The following MELTF variants were observed in gnomAD, a reference collection of about 807,000 sequenced individuals.
MELTF encodes the protein antigen p97 (melanoma associated) identified by monoclonal antibodies 133.2 and 96.5.
MELTF carries 67 observed loss-of-function variants against 83.7 expected under a neutral mutation model. That is an observed-to-expected ratio of 0.80 (90% confidence interval 0.66 to 0.98). MELTF has a LOEUF of 0.98. Ranked by LOEUF, MELTF falls within the 50% of genes least tolerant of loss-of-function variation. MELTF has a pLI of 0.00. For synonymous variants in MELTF, 462 were observed against 447.6 expected (o/e 1.03, Z -0.41); for missense variants, 1,002 against 1,035.6 (o/e 0.97, Z 0.44).
rs57202737 is a variant in MELTF at position 197,020,489 on chromosome 3, G to GCACA, written c.712+911_712+914dup. Among the ~76,000 whole-genome samples, 220 of 149,478 alleles carry GCACA rather than the reference G, an allele frequency of 1.5e-3. 1 individual carries two copies. The highest frequency in any genetic ancestry group is 7.0e-3 in the Middle Eastern group (2 of 286). On this transcript the variant is annotated intron_variant, in intron 6 of 15. Transcript: ENST00000296350. ...CTCTCAAATGGGTCAGAACACACAC[G>GCACA]CACACACACACACACACACAATAAA...
intron 6 of MELTF, chr3:197,019,197 A>T: frequency 1.0e-6 from 1 of 1,002,676 alleles, no homozygotes. Flanking sequence ...CCGCTTCCCA[A>T]CTTTCCTGTT....
In MELTF at chr3:197,017,258, G is replaced by T. The variant is rs769763422; in HGVS notation, c.745C>A (p.Leu249Met). The stretch of plus-strand genomic sequence containing the variant: ...CACAGCAGCTCGAAGTCCTGTGACA[G>T]CAGGGCCTGGCCCCAGGAGGGAAGC... Reference protein sequence around the residue: ...KTLPSWGQALLSQDFELLCRD... With the variant: ...KTLPSWGQALMSQDFELLCRD... Residue 249 changes from leucine (L) to methionine (M), a missense_variant, in exon 7 of 16, where the codon CTG (leucine) becomes ATG (methionine). Physicochemically the swap from Leu to Met is conservative, Grantham distance 15. Coordinates refer to ENST00000296350, the MANE Select transcript of MELTF (RefSeq NM_005929.6). The T allele has an allele frequency of 5.7e-6, 9 of 1,576,826 alleles. No individual in the cohort carries two copies. Among genetic ancestry groups the T allele is most frequent in the Non-Finnish European group, 7.7e-6 (9 of 1,161,944 alleles).
rs142138497 is a variant in MELTF, at chr3:197,026,709, C to A, written c.255G>T (p.Ala85=). The A allele has an allele frequency of 1.2e-6, 2 of 1,613,472 alleles. No homozygotes were observed. The highest frequency in any genetic ancestry group is 1.7e-6 in the Non-Finnish European group (2 of 1,180,026). The part of the protein sequence containing the change: ...ITLDGGAIYE[A]GKEHGLKPVV... ...CCGGCTTCAGGCCGTGCTCCTTTCC[C>A]GCCTCATAGATGGCTCCTCCATCCA... Residue 85 remains alanine (A), a synonymous_variant, in exon 3 of 16, where the codon GCG becomes GCT. Transcript: ENST00000296350.
In MELTF at chr3:197,029,805, G is replaced by C. The variant is rs1241228334; in HGVS notation, c.-103C>G. ...CCTGCTCCCCCTCGCGCTGGCCCGA[G>C]CTCCTTAAGTGCGGCCGCGAGTTCC... is the stretch of plus-strand genomic sequence containing the variant. On this transcript the variant is annotated 5_prime_UTR_variant, in exon 1 of 16. Transcript: ENST00000296350. This position sits in a 1 kb window ranked among gnomAD's most constrained non-coding sequence, Gnocchi z 6.5. The C allele has an allele frequency of 1.2e-6, 1 of 837,196 alleles. No individual in the cohort carries two copies. The highest frequency in any genetic ancestry group is 1.8e-5 in the African/African-American group (1 of 56,778). 51.9% of individuals were successfully genotyped at this position (837,196 alleles called of 1,614,324 possible). A position where few individuals can be genotyped will look rare whatever the true frequency, so the allele number is the denominator to read the frequency against.
Position 197,029,567 on chromosome 3 carries a change from G to T in MELTF, c.49+87C>A. 1 of 1,101,946 alleles carries T rather than the reference G, an allele frequency of 9.1e-7. No individual in the cohort carries two copies. Among genetic ancestry groups the T allele is most frequent in the Non-Finnish European group, 1.2e-6 (1 of 868,696 alleles). 68.3% of individuals were successfully genotyped at this position (1,101,946 alleles called of 1,614,324 possible). A position where few individuals can be genotyped will look rare whatever the true frequency, so the allele number is the denominator to read the frequency against. Reference sequence around the variant, plus strand: ...CACTGCCCCGGAGCCGCAGGCTCAGGCACATTTCCAGCCCCGGGACCTGCT... The same window carrying T: ...CACTGCCCCGGAGCCGCAGGCTCAGTCACATTTCCAGCCCCGGGACCTGCT... On this transcript the variant is annotated intron_variant, in intron 1 of 15. Transcript: ENST00000296350. The surrounding 1 kb of genome is among the most constrained non-coding windows in gnomAD (Gnocchi z 6.5).
At chr3:197,027,980 T>C in intron 1 of MELTF, 70 bp from the exon 2 acceptor site, 1 of 1,483,282 alleles carries the variant, frequency 6.7e-7, no homozygotes, top group South Asian at 1.3e-5. Context: ...GGAGGGTGGC[T>C]CCAGCAGTTC....
chr3:197,019,368 T>C, intron 6 of MELTF: 1 of 1,232,676 alleles, frequency 8.1e-7, no homozygotes, highest in Non-Finnish European at 1.0e-6. Flanking sequence ...TTATGCCACT[T>C]CTACCCCTTG....
intron 3 of MELTF, chr3:197,025,412 G>T (rs1346796068): frequency 6.6e-6 from 1 of 152,246 alleles, no homozygotes; most frequent in Admixed American, 6.5e-5. Context: ...TGGTTGCGGG[G>T]CTCAGCTTAC....
In MELTF at chr3:197,024,544, C is replaced by T. The variant is rs528330537; in HGVS notation, c.305-59G>A. On this transcript the variant is annotated intron_variant, in intron 3 of 15. Transcript: ENST00000296350. This position sits in a 1 kb window ranked among gnomAD's most constrained non-coding sequence, Gnocchi z 5.3. The stretch of plus-strand genomic sequence containing the variant: ...GGAGAGGCCTCGAGAGAGGCTGCAC[C>T]AGCACCCTGCCTGGGCGGGCTGTGG... 5.2e-5 allele frequency: 76 copies of T among 1,465,918 alleles called. No homozygotes were observed. The East Asian group carries it at 1.7e-3, about 33-fold the overall frequency. The allele number at this position is 1,465,918 out of a possible 1,614,324, so 90.8% of individuals were successfully genotyped here.
In MELTF at chr3:197,008,053, G is replaced by A. The variant is rs905565053; in HGVS notation, c.1750+604C>T. Among the ~76,000 whole-genome samples the A allele has an allele frequency of 3.1e-4, 47 of 152,292 alleles. No homozygotes were observed. The highest frequency in any genetic ancestry group is 1.1e-3 in the African/African-American group (47 of 41,556). ...TTCCTTCACGGAGAACAAGAAGAAGGGGAAGTGATATAAGTCAGGGGAGCG... is the reference window on the plus strand; with the variant it reads ...TTCCTTCACGGAGAACAAGAAGAAGAGGAAGTGATATAAGTCAGGGGAGCG... On this transcript the variant is annotated intron_variant, in intron 13 of 15. Transcript: ENST00000296350. This position sits in a 1 kb window ranked among gnomAD's most constrained non-coding sequence, Gnocchi z 5.4.
intron 6 of MELTF, among the ~76,000 whole-genome samples, chr3:197,018,671 C>A (rs1403436071): frequency 6.8e-6 from 1 of 147,840 alleles, no homozygotes; most frequent in African/African-American, 2.5e-5. Context: ...GGTCTTGAAC[C>A]CCTGACCTCA....
intron 6 of MELTF, among the ~76,000 whole-genome samples, chr3:197,018,455 TTC>T (rs201706005): frequency 0.019 from 2,926 of 150,738 alleles, 83 homozygotes; most frequent in African/African-American, 0.066. Flanking sequence ...CTGGCCTTTT[TTC>T]TCTTTTTGAG....
chr3:197,024,418 C>T lies in MELTF; in HGVS notation c.372G>A (p.Leu124=). 6.2e-7 allele frequency: 1 copy of T among 1,610,822 alleles called. No homozygotes were observed. Among genetic ancestry groups the T allele is most frequent in the African/African-American group, 1.3e-5 (1 of 75,000 alleles). ...CCGTGTGGCAGGACTTCACGCCTTT[C>T]AGGGTGTCAATGGTCACATGGGAGC... is the stretch of plus-strand genomic sequence containing the variant. ...RRSSHVTIDT[L]KGVKSCHTGI... is the part of the protein sequence containing the mutation. Residue 124 remains leucine (L), a synonymous_variant, in exon 4 of 16, where the codon CTG becomes CTA. Transcript: ENST00000296350. The surrounding 1 kb of genome is among the most constrained non-coding windows in gnomAD (Gnocchi z 5.3).
At chr3:197,012,641 G>A (rs543235053) in intron 9 of MELTF, among the ~76,000 whole-genome samples, 2 of 152,392 alleles carry the variant, frequency 1.3e-5, no homozygotes, top group African/African-American at 4.8e-5. Context: ...GCTGACAGCC[G>A]GGGCTCTGGG....
intron 8 of MELTF, among the ~76,000 whole-genome samples, chr3:197,015,927 C>T (rs960342400): frequency 4.6e-5 from 7 of 152,180 alleles, no homozygotes; most frequent in South Asian, 2.1e-4. Context: ...GATGGGGGGG[C>T]GAGGAGACCC....
Position 197,003,690 on chromosome 3 carries a change from TTAC to T in MELTF, c.2137+208_2137+210del. The T allele has an allele frequency of 1.5e-6, 1 of 674,846 alleles. No individual in the cohort carries two copies. Among genetic ancestry groups the T allele is most frequent in the Non-Finnish European group, 2.5e-6 (1 of 406,346 alleles). 41.8% of individuals were successfully genotyped at this position (674,846 alleles called of 1,614,324 possible). On this transcript the variant is annotated intron_variant, in intron 15 of 15. Coordinates refer to ENST00000296350, the MANE Select transcript of MELTF (RefSeq NM_005929.6). This position sits in a 1 kb window ranked among gnomAD's most constrained non-coding sequence, Gnocchi z 6.2. ...CCGCCGTTTTGAGCGTTCACACTCA[TTAC>T]CCAGGTCCGTCTGGGAGACCCGCCG...
At chr3:197,028,957 C>G (rs563508362) in intron 1 of MELTF, 2 of 152,448 alleles carry the variant, frequency 1.3e-5, no homozygotes, top group Non-Finnish European at 2.9e-5. Flanking sequence ...GCGCTCCAAG[C>G]CCCCCACCAC....
In MELTF at chr3:197,015,447, A is replaced by G. The variant is rs761415708; in HGVS notation, c.1151T>C (p.Val384Ala). The G allele has an allele frequency of 1.2e-6, 2 of 1,607,704 alleles. No homozygotes were observed. Among genetic ancestry groups the G allele is most frequent in the African/African-American group, 1.3e-5 (1 of 74,866 alleles). ...CTTGAGCCGCTGCCGGCGGAAGGCC[A>G]CGGCCATGTCTCCACACTTCTGGAT... ...PEIQKCGDMA[V>A]AFRRQRLKPE... The change falls in exon 9 of 16, where the codon GTG becomes GCG. Residue 384 changes from valine to alanine, a missense_variant. By Grantham distance (64) the Val-to-Ala change is moderately conservative (BLOSUM62 0). Transcript: ENST00000296350.
intron 7 of MELTF, 91 bp from the exon 8 acceptor site, chr3:197,016,460 G>C: frequency 1.6e-6 from 2 of 1,230,210 alleles, no homozygotes; most frequent in East Asian, 2.7e-5. Flanking sequence ...CTTCTTCCCC[G>C]ACCTCAGACC....
Sources: gnomAD v4.1 joint callset for allele counts (sites outside exome capture counted in the v4.1 genomes callset) on GRCh38, gnomAD v4.1.1 for gene constraint, Gnocchi (gnomAD v3.1) non-coding constraint, MANE v1.5 for transcripts, NCBI Gene and HGNC (gene_info 2026-07-23, HGNC 2026-07-21) for gene names.